Variants in ZFAT observed in about 807,000 individuals in gnomAD.
ZFAT encodes zinc finger and AT-hook domain containing, also known as zinc finger protein ZFAT.
Under a neutral mutation model 117.7 loss-of-function variants are expected in ZFAT, and 64 were observed. That is an observed-to-expected ratio of 0.54 (90% confidence interval 0.44 to 0.67). ZFAT has a LOEUF of 0.67. Among genes scored for constraint, ZFAT ranks in the 30% least tolerant of loss-of-function variants. ZFAT has a pLI of 0.00. For synonymous variants in ZFAT, 679 were observed against 615.0 expected (o/e 1.10, Z -1.54); for missense variants, 1,433 against 1,584.5 (o/e 0.90, Z 1.62).
upstream of ZFAT, chr8:134,713,093 T>C (rs536727944): frequency 1.0e-3 from 454 of 437,608 alleles, 1 homozygote; most frequent in Non-Finnish European, 1.4e-3. Context: ...CCGCTTCGGG[T>C]GACCCTCCCC....
chr8:134,490,163 TACC>T (rs1817947822), intron 15 of ZFAT, among the ~76,000 whole-genome samples: 1 of 152,178 alleles, frequency 6.6e-6, no homozygotes, highest in South Asian at 2.1e-4. Context: ...TGCCTCAGTT[TACC>T]ACCTAATGCC....
intron 1 of ZFAT, among the ~76,000 whole-genome samples, chr8:134,706,127 A>G (rs1834145573): frequency 6.6e-6 from 1 of 152,214 alleles, no homozygotes. Flanking sequence ...GATAAACATA[A>G]CTACTCTATA....
At chr8:134,714,258 G>A (rs1814162117), upstream of ZFAT, among the ~76,000 whole-genome samples, 2 of 152,064 alleles carry the variant, frequency 1.3e-5, no homozygotes, top group Non-Finnish European at 2.9e-5. Context: ...TGCTCAACAT[G>A]AAATTCTCGG....
chr8:134,615,420 C>T (rs752108940), intron 3 of ZFAT, among the ~76,000 whole-genome samples: 6 of 152,106 alleles, frequency 3.9e-5, no homozygotes, highest in Admixed American at 2.6e-4. Context: ...AACTCCTGAC[C>T]GCAAGTGATC....
intron 2 of ZFAT, among the ~76,000 whole-genome samples, chr8:134,652,490 T>C (rs1490007178): frequency 6.6e-6 from 1 of 152,244 alleles, no homozygotes; most frequent in Non-Finnish European, 1.5e-5. Flanking sequence ...GAACACTTAC[T>C]GTATAAAATA....
intron 1 of ZFAT, among the ~76,000 whole-genome samples, chr8:134,690,787 G>C (rs1186522614): frequency 2.0e-5 from 3 of 152,120 alleles, no homozygotes; most frequent in Admixed American, 2.0e-4. Context: ...CCAAATATCT[G>C]GGCTGTTCAG....
intron 13 of ZFAT, among the ~76,000 whole-genome samples, chr8:134,517,792 C>A (rs946536430): frequency 1.3e-5 from 2 of 152,086 alleles, no homozygotes; most frequent in African/African-American, 4.8e-5. Flanking sequence ...GGTATTTGAC[C>A]ACACCCATCA....
the ZFAT span, among the ~76,000 whole-genome samples, chr8:134,787,985 A>G: frequency 6.6e-6 from 1 of 152,170 alleles, no homozygotes; most frequent in African/African-American, 2.4e-5. Context: ...TTCTATGCAC[A>G]CAACCAGTTG....
the ZFAT span, among the ~76,000 whole-genome samples, chr8:134,817,460 T>A: frequency 6.7e-6 from 1 of 149,848 alleles, no homozygotes; most frequent in Non-Finnish European, 1.5e-5. Flanking sequence ...TGATTGTTTC[T>A]CTGCAGAACC....
chr8:134,667,513 CAT>C (rs1832293815), intron 1 of ZFAT, among the ~76,000 whole-genome samples: 1 of 64,518 alleles, frequency 1.5e-5, no homozygotes, highest in South Asian at 6.6e-4. Flanking sequence ...AAAAAAAAAA[CAT>C]AGATGACAGG....
chr8:134,548,701 C>T (rs1008721216), intron 11 of ZFAT, among the ~76,000 whole-genome samples: 1 of 150,374 alleles, frequency 6.7e-6, no homozygotes, highest in Non-Finnish European at 1.5e-5. Context: ...GATTGAAAAT[C>T]ACTGCATACT....
At chr8:134,672,721 C>T (rs1055587438) in intron 1 of ZFAT, among the ~76,000 whole-genome samples, 3 of 152,208 alleles carry the variant, frequency 2.0e-5, no homozygotes, top group African/African-American at 7.2e-5. Flanking sequence ...GGAAATGGCA[C>T]AACATTTTTC....
At chr8:134,668,493 G>C (rs985619942) in intron 1 of ZFAT, among the ~76,000 whole-genome samples, 3 of 152,190 alleles carry the variant, frequency 2.0e-5, no homozygotes, top group South Asian at 2.1e-4. Flanking sequence ...AGGCAAACAG[G>C]GTCTGGAGTG....
intron 12 of ZFAT, among the ~76,000 whole-genome samples, chr8:134,524,305 G>C (rs905562025): frequency 2.6e-5 from 4 of 152,224 alleles, no homozygotes; most frequent in Admixed American, 2.0e-4. Context: ...ACTAGAAAGA[G>C]GTGCTGTTAG....
the ZFAT span, among the ~76,000 whole-genome samples, chr8:134,745,258 C>T: frequency 4.2e-3 from 634 of 152,296 alleles, 2 homozygotes; most frequent in Non-Finnish European, 6.5e-3. Context: ...CTGTCTACCA[C>T]GGTTCCCTGG....
the ZFAT span, among the ~76,000 whole-genome samples, chr8:134,740,599 T>G: frequency 2.0e-5 from 3 of 152,234 alleles, no homozygotes; most frequent in South Asian, 4.1e-4. Context: ...AAGTGGTGCT[T>G]TGTCCCAAGT....
chr8:134,717,737 C>T (rs1244759501), upstream of ZFAT, among the ~76,000 whole-genome samples: 1 of 151,852 alleles, frequency 6.6e-6, no homozygotes, highest in African/African-American at 2.4e-5. Context: ...CCGCCTCTGT[C>T]ACCCAGGCCA....
At position 134,478,341 on chromosome 8, in the gene ZFAT, G is replaced by C; in HGVS notation, c.*141C>G. ...CCTTGCCCACCCCAAGTTGGACTAG[G>C]AGAGTCCTATCAGGCTGCTGGGCAG... On this transcript the variant is annotated 3_prime_UTR_variant, in exon 16 of 16. Coordinates refer to ENST00000377838, the MANE Select transcript of ZFAT (RefSeq NM_020863.4). The surrounding 1 kb of genome is among the most constrained non-coding windows in gnomAD (Gnocchi z 5.2). The C allele has an allele frequency of 7.6e-7, 1 of 1,310,450 alleles. No homozygotes were observed. The allele number at this position is 1,310,450 out of a possible 1,614,324, so 81.2% of individuals were successfully genotyped here.
rs35032412 is a variant in ZFAT, at chr8:134,479,950, C to CTT, written c.3493-1231_3493-1230dup. Among the ~76,000 whole-genome samples the CTT allele has an allele frequency of 3.8e-3, 472 of 123,288 alleles. 6 individuals are homozygous for CTT. The highest frequency in any genetic ancestry group is 0.013 in the African/African-American group (418 of 31,622). 80.9% of individuals were successfully genotyped at this position (123,288 alleles called of 152,430 possible). ...CTTTTAATCCCTTCATTCAACCACACTTTTTTTTTTTTTTTTTTTTGGAGA... is the reference window on the plus strand; with the variant it reads ...CTTTTAATCCCTTCATTCAACCACACTTTTTTTTTTTTTTTTTTTTTTGGAGA... On this transcript the variant is annotated intron_variant, in intron 15 of 15. Transcript: ENST00000377838.
Sources: gnomAD v4.1 joint callset for allele counts (sites outside exome capture counted in the v4.1 genomes callset) on GRCh38, gnomAD v4.1.1 for gene constraint, Gnocchi (gnomAD v3.1) non-coding constraint, MANE v1.5 for transcripts, NCBI Gene and HGNC (gene_info 2026-07-23, HGNC 2026-07-21) for gene names.